The following ARHGAP17 variants were observed in gnomAD, a reference collection of about 807,000 sequenced individuals.
The protein encoded by ARHGAP17 is rho GTPase-activating protein 17.
ARHGAP17 carries 57 observed loss-of-function variants against 99.5 expected under a neutral mutation model. The observed-to-expected ratio is 0.57, with a 90% CI of 0.46 to 0.71. The LOEUF (loss-of-function observed/expected upper bound fraction) is 0.71, where lower values mean the gene tolerates loss of function less well. Among genes scored for constraint, ARHGAP17 ranks in the 30% least tolerant of loss-of-function variants. The pLI is 0.00. For missense variants in ARHGAP17, 1,000 were observed against 1,122.4 expected (o/e 0.89, Z 1.56); for synonymous variants, 417 against 429.6 (o/e 0.97, Z 0.36).
chr16:25,005,020 T>G (rs964385268), intron 1 of ARHGAP17, among the ~76,000 whole-genome samples: 11 of 152,226 alleles, frequency 7.2e-5, no homozygotes, highest in African/African-American at 2.7e-4. Context: ...GTCCAAGCCA[T>G]TCTCCTGCCT....
At chr16:24,981,973 G>A (rs772553368) in intron 1 of ARHGAP17, among the ~76,000 whole-genome samples, 8 of 152,000 alleles carry the variant, frequency 5.3e-5, no homozygotes, top group Non-Finnish European at 1.0e-4. Flanking sequence ...AAACTATATT[G>A]AATATATTAT....
chr16:24,963,432 T>A (rs2052073814), intron 7 of ARHGAP17, among the ~76,000 whole-genome samples: 1 of 151,852 alleles, frequency 6.6e-6, no homozygotes, highest in East Asian at 1.9e-4. Flanking sequence ...AACTAAAATA[T>A]AACAGTCTTA....
At chr16:25,011,529 ACCACATCT>A (rs141704107) in intron 1 of ARHGAP17, among the ~76,000 whole-genome samples, 9,502 of 152,032 alleles carry the variant, frequency 0.062, 878 homozygotes, top group African/African-American at 0.2. Context: ...ACATGGCAAA[ACCACATCT>A]CTACTGAAAA....
At chr16:24,961,919 A>ATC (rs1337309397) in intron 7 of ARHGAP17, among the ~76,000 whole-genome samples, 1 of 131,310 alleles carries the variant, frequency 7.6e-6, no homozygotes, top group Non-Finnish European at 1.7e-5. Flanking sequence ...TTTTATATAT[A>ATC]TATATATATA....
chr16:24,963,467 A>G (rs2052075316), intron 7 of ARHGAP17, among the ~76,000 whole-genome samples: 1 of 152,158 alleles, frequency 6.6e-6, no homozygotes, highest in Admixed American at 6.5e-5. Context: ...TAAAAAAACA[A>G]TTTTTTTAAA....
chr16:24,924,442 G>GTTT (rs11393454), intron 19 of ARHGAP17, among the ~76,000 whole-genome samples: 5 of 142,960 alleles, frequency 3.5e-5, no homozygotes, highest in African/African-American at 5.1e-5. Flanking sequence ...TCTCTTTTCT[G>GTTT]TTTTTTTTTT....
intron 3 of ARHGAP17, 85 bp downstream of exon 3, chr16:24,977,130 C>T: frequency 9.1e-7 from 1 of 1,094,848 alleles, no homozygotes; most frequent in East Asian, 2.9e-5. Context: ...CCACTGATGC[C>T]ACTTAGGACA....
chr16:24,978,886 G>T, intron 2 of ARHGAP17, 80 bp downstream of exon 2: 11 of 660,594 alleles, frequency 1.7e-5, no homozygotes, highest in Middle Eastern at 4.7e-4. Context: ...AAAAAAAAAA[G>T]CCCACAGGCC....
In ARHGAP17 at chr16:24,968,342, A is replaced by C. The variant is rs374315247; in HGVS notation, c.461+9T>G. ...GACACAATGCTGCATTGCTGGCTCA[A>C]GCTGTTACCTGGCTCTGACTGAATC... On this transcript the variant is annotated intron_variant, in intron 6 of 19. Coordinates refer to ENST00000289968, the MANE Select transcript of ARHGAP17 (RefSeq NM_001006634.3). 5 of 1,614,002 alleles carry C rather than the reference A, an allele frequency of 3.1e-6. No homozygotes were observed. In the African/African-American group the frequency reaches 5.3e-5, roughly 17 times the overall value.
At chr16:24,935,699 A>C (rs1274970212) in intron 17 of ARHGAP17, 60 bp from the exon 18 acceptor site, 2 of 1,538,426 alleles carry the variant, frequency 1.3e-6, no homozygotes, top group African/African-American at 1.4e-5. Context: ...ATCTGAACAT[A>C]CTGCACATAA....
chr16:24,989,829 A>G (rs1483628320), intron 1 of ARHGAP17, among the ~76,000 whole-genome samples: 1 of 152,192 alleles, frequency 6.6e-6, no homozygotes. Flanking sequence ...AAAAGTAGAG[A>G]GTAGAATTGT....
intron 1 of ARHGAP17, among the ~76,000 whole-genome samples, chr16:24,985,081 AGGACATTTGGCAATGTCTGG>A (rs1405369014): frequency 6.6e-6 from 1 of 152,190 alleles, no homozygotes; most frequent in Non-Finnish European, 1.5e-5. Flanking sequence ...GTGTCCCCAG[AGGACATTTGGCAATGTCTGG>A]GGACATTTGT....
At chr16:24,973,537 A>G (rs2052429342) in intron 3 of ARHGAP17, among the ~76,000 whole-genome samples, 1 of 152,240 alleles carries the variant, frequency 6.6e-6, no homozygotes, top group Non-Finnish European at 1.5e-5. Flanking sequence ...GGTTTCAGAA[A>G]TGAGGGCCAA....
intron 3 of ARHGAP17, among the ~76,000 whole-genome samples, chr16:24,974,659 G>T (rs1274004754): frequency 1.3e-5 from 2 of 152,112 alleles, no homozygotes; most frequent in African/African-American, 2.4e-5. Flanking sequence ...TGATCAGGTT[G>T]AAGACAGACT....
In ARHGAP17 at chr16:24,931,086, G is replaced by A; in HGVS notation, c.2213C>T (p.Pro738Leu). 6.2e-7 allele frequency: 1 copy of A among 1,606,444 alleles called. No homozygotes were observed. Among genetic ancestry groups the A allele is most frequent in the Non-Finnish European group, 8.5e-7 (1 of 1,176,420 alleles). The part of the protein sequence containing the change: ...TKPNSQGPPN[P>L]MALPSEHGLE... ...TCCATGCTCACTGGGCAATGCCATG[G>A]GGTTGGGAGGGCCCTGGCTATTGGG... The change falls in exon 19 of 20, where the codon CCC becomes CTC. Residue 738 changes from proline (P) to leucine (L), a missense_variant. Physicochemically the swap from Pro to Leu is moderately conservative, Grantham distance 98. Coordinates refer to ENST00000289968, the MANE Select transcript of ARHGAP17 (RefSeq NM_001006634.3).
chr16:24,969,569 A>G (rs953907730), intron 4 of ARHGAP17, among the ~76,000 whole-genome samples: 1 of 152,250 alleles, frequency 6.6e-6, no homozygotes, highest in Admixed American at 6.5e-5. Context: ...ACATGGTTCT[A>G]AGTGCTGATA....
intron 1 of ARHGAP17, among the ~76,000 whole-genome samples, chr16:25,013,083 A>G (rs189661710): frequency 1.2e-3 from 183 of 152,334 alleles, no homozygotes; most frequent in Non-Finnish European, 2.1e-3. Context: ...CAGTCACAGC[A>G]CAGAAAAGCA....
intron 1 of ARHGAP17, among the ~76,000 whole-genome samples, chr16:24,994,947 T>C (rs1193692986): frequency 6.6e-6 from 1 of 152,192 alleles, no homozygotes; most frequent in African/African-American, 2.4e-5. Context: ...GAGATTTAAT[T>C]GACTCAGTTC....
intron 7 of ARHGAP17, among the ~76,000 whole-genome samples, chr16:24,961,962 G>A (rs1212340202): frequency 2.5e-5 from 3 of 118,784 alleles, no homozygotes; most frequent in South Asian, 2.5e-4. Context: ...TATATATGTA[G>A]AGAGAGTTTG....
Sources: allele counts gnomAD v4.1 joint callset (sites outside exome capture counted in the v4.1 genomes callset), GRCh38; gene constraint gnomAD v4.1.1; transcripts MANE v1.5; gene names NCBI Gene and HGNC (gene_info 2026-07-23, HGNC 2026-07-21).